ADAMTSL1: variants seen among roughly 807,000 people sequenced by gnomAD.
ADAMTSL1 encodes the protein ADAMTS like 1.
A neutral mutation model predicts 201.8 loss-of-function variants in ADAMTSL1; 126 were observed. The observed-to-expected ratio is 0.62, with a 90% CI of 0.54 to 0.72. The LOEUF (loss-of-function observed/expected upper bound fraction) is 0.72, where lower values mean the gene tolerates loss of function less well. ADAMTSL1 is among the 30% of genes least tolerant of loss of function. ADAMTSL1 has a pLI of 0.00. For missense variants in ADAMTSL1, 2,679 were observed against 2,277.8 expected (o/e 1.18, Z -3.59); for synonymous variants, 1,121 against 903.4 (o/e 1.24, Z -4.32).
intron 26 of ADAMTSL1, among the ~76,000 whole-genome samples, chr9:18,902,683 C>A (rs1026764960): frequency 6.6e-6 from 1 of 151,996 alleles, no homozygotes; most frequent in Admixed American, 6.6e-5. Flanking sequence ...TAACTTCACA[C>A]CTTAAAAATT....
intron 9 of ADAMTSL1, 147 bp downstream of exon 9, chr9:18,662,220 G>A: frequency 2.7e-6 from 3 of 1,100,534 alleles, no homozygotes; most frequent in South Asian, 3.3e-5. Context: ...CTAATCACGT[G>A]TTATTAGTAC....
chr9:18,692,114 T>G (rs1157367801), intron 13 of ADAMTSL1, among the ~76,000 whole-genome samples: 1 of 152,194 alleles, frequency 6.6e-6, no homozygotes, highest in Non-Finnish European at 1.5e-5. Context: ...TCTACACTTC[T>G]GAGGGTCTTT....
At chr9:18,029,795 A>T (rs915826020) in intron 1 of ADAMTSL1, among the ~76,000 whole-genome samples, 4 of 152,236 alleles carry the variant, frequency 2.6e-5, no homozygotes, top group Non-Finnish European at 4.4e-5. Context: ...CACATGAAAA[A>T]ACGCTCTTCA....
rs185481149 is a variant in ADAMTSL1 at position 18,649,179 on chromosome 9, T to G, written c.835-8460T>G. Among the ~76,000 whole-genome samples, 4 of 152,362 alleles carry G rather than the reference T, an allele frequency of 2.6e-5. No homozygotes were observed. In the East Asian group the frequency reaches 7.7e-4, roughly 29 times the overall value. On this transcript the variant is annotated intron_variant, in intron 7 of 28. Coordinates refer to ENST00000380548, the MANE Select transcript of ADAMTSL1 (RefSeq NM_001040272.6). ...ATAACCTTTCTTCCAGTTGATTGCA[T>G]CAGCTCCTGAGGCTTCTGCATTCTC...
At chr9:17,969,475 A>T (rs1696623953) in intron 1 of ADAMTSL1, among the ~76,000 whole-genome samples, 1 of 152,076 alleles carries the variant, frequency 6.6e-6, no homozygotes, top group Non-Finnish European at 1.5e-5. Flanking sequence ...AAGCAATTAT[A>T]GTTTGTAAAT....
intron 2 of ADAMTSL1, among the ~76,000 whole-genome samples, chr9:18,438,908 C>G (rs1055762237): frequency 1.3e-5 from 2 of 152,206 alleles, no homozygotes; most frequent in African/African-American, 4.8e-5. Context: ...TCGATTCACA[C>G]CGGCTTAGCT....
At chr9:18,760,785 T>C (rs896523624) in intron 16 of ADAMTSL1, among the ~76,000 whole-genome samples, 2 of 152,258 alleles carry the variant, frequency 1.3e-5, no homozygotes, top group African/African-American at 4.8e-5. Context: ...GAACATGCCA[T>C]GTCCCTTTGC....
intron 1 of ADAMTSL1, among the ~76,000 whole-genome samples, chr9:18,117,457 C>G (rs987907004): frequency 6.6e-6 from 1 of 152,120 alleles, no homozygotes; most frequent in East Asian, 1.9e-4. Context: ...TTTCCAAGGA[C>G]TGGAGAGCTC....
At chr9:18,263,255 A>C (rs145901730) in intron 2 of ADAMTSL1, among the ~76,000 whole-genome samples, 1 of 152,200 alleles carries the variant, frequency 6.6e-6, no homozygotes, top group Admixed American at 6.5e-5. Context: ...TTTAATGGCT[A>C]CTTCTCAGTG....
intron 16 of ADAMTSL1, among the ~76,000 whole-genome samples, chr9:18,765,558 T>C (rs1820309911): frequency 6.6e-6 from 1 of 152,228 alleles, no homozygotes; most frequent in Non-Finnish European, 1.5e-5. Context: ...CACTCCACTG[T>C]TCAGCTCATA....
At chr9:18,590,582 T>C (rs907990692) in intron 4 of ADAMTSL1, among the ~76,000 whole-genome samples, 7 of 152,066 alleles carry the variant, frequency 4.6e-5, no homozygotes, top group Non-Finnish European at 1.0e-4. Flanking sequence ...TTCTTTTTTT[T>C]CTAATTCCTT....
intron 4 of ADAMTSL1, among the ~76,000 whole-genome samples, chr9:18,610,059 T>C (rs1373317345): frequency 6.6e-6 from 1 of 152,134 alleles, no homozygotes; most frequent in Non-Finnish European, 1.5e-5. Flanking sequence ...AATAATGATG[T>C]TCCAGGGTAA....
intron 1 of ADAMTSL1, among the ~76,000 whole-genome samples, chr9:18,503,285 T>C (rs1330549595): frequency 5.9e-5 from 9 of 151,900 alleles, no homozygotes. Context: ...TCTAGATACC[T>C]CAGTAAGTGG....
At chr9:18,675,815 T>C in intron 9 of ADAMTSL1, 42 bp from the exon 10 acceptor site, 1 of 1,566,564 alleles carries the variant, frequency 6.4e-7, no homozygotes, top group Non-Finnish European at 8.8e-7. Flanking sequence ...TTTTATTGTG[T>C]GTACCTTCTA....
At chr9:18,087,832 C>T (rs1381259549) in intron 1 of ADAMTSL1, among the ~76,000 whole-genome samples, 1 of 152,022 alleles carries the variant, frequency 6.6e-6, no homozygotes, top group Non-Finnish European at 1.5e-5. Flanking sequence ...TTAAAAGTTG[C>T]AGAACATACA....
At chr9:17,925,971 A>G (rs889625930) in intron 1 of ADAMTSL1, among the ~76,000 whole-genome samples, 1 of 152,182 alleles carries the variant, frequency 6.6e-6, no homozygotes, top group Non-Finnish European at 1.5e-5. Context: ...TTGTTGCTAC[A>G]TTCTTGGAGG....
chr9:18,091,111 C>A (rs2131814072), intron 1 of ADAMTSL1, among the ~76,000 whole-genome samples: 1 of 151,778 alleles, frequency 6.6e-6, no homozygotes, highest in Non-Finnish European at 1.5e-5. Context: ...AACTTCAAAT[C>A]AGCCAATTAC....
chr9:18,023,092 G>C lies in ADAMTSL1; in HGVS notation c.87+116170G>C, dbSNP rs189234403. Among the ~76,000 whole-genome samples, 16 of 152,106 alleles carry C rather than the reference G, an allele frequency of 1.1e-4. No individual in the cohort carries two copies. The East Asian group carries it at 3.1e-3, about 29-fold the overall frequency. Reference sequence around the variant, plus strand: ...TTTATAAAGTAGCTGTTTCCTGAAAGTACTTCCAAAATTGATGGTTTCTAG... The same window carrying C: ...TTTATAAAGTAGCTGTTTCCTGAAACTACTTCCAAAATTGATGGTTTCTAG... On this transcript the variant is annotated intron_variant, in intron 1 of 29. Transcript: ENST00000680146.
At chr9:18,315,015 C>T (rs1036412202) in intron 2 of ADAMTSL1, among the ~76,000 whole-genome samples, 1 of 148,594 alleles carries the variant, frequency 6.7e-6, no homozygotes, top group Non-Finnish European at 1.5e-5. Context: ...CCAGGATGGT[C>T]TCGATCTCCT....
Sources: allele counts gnomAD v4.1 joint callset (sites outside exome capture counted in the v4.1 genomes callset), GRCh38; gene constraint gnomAD v4.1.1; transcripts MANE v1.5; gene names NCBI Gene and HGNC (gene_info 2026-07-23, HGNC 2026-07-21).